ST6GALNAC3: variants seen among roughly 807,000 people sequenced by gnomAD.
ST6GALNAC3 encodes alpha-N-acetylgalactosaminide alpha-2,6-sialyltransferase 3.
Under a neutral mutation model 32.7 loss-of-function variants are expected in ST6GALNAC3, and 25 were observed. That is an observed-to-expected ratio of 0.76 (90% confidence interval 0.56 to 1.07). The LOEUF (loss-of-function observed/expected upper bound fraction) is 1.07, where lower values mean the gene tolerates loss of function less well. ST6GALNAC3 is among the 50% of genes least tolerant of loss of function. The probability of loss-of-function intolerance (pLI) is 0.00; values close to 1 mark genes in which losing one functional copy is unlikely to be tolerated. For synonymous variants in ST6GALNAC3, 129 were observed against 133.1 expected (o/e 0.97, Z 0.21); for missense variants, 355 against 382.4 (o/e 0.93, Z 0.60).
At chr1:76,447,251 C>T (rs552708039) in intron 3 of ST6GALNAC3, among the ~76,000 whole-genome samples, 16 of 152,210 alleles carry the variant, frequency 1.1e-4, no homozygotes, top group Non-Finnish European at 2.4e-4. Flanking sequence ...TTGCCCCTGT[C>T]CTAGAAATTT....
downstream of ST6GALNAC3, among the ~76,000 whole-genome samples, chr1:76,635,788 TAAAAGGGA>T (rs1649489823): frequency 6.6e-6 from 1 of 152,082 alleles, no homozygotes; most frequent in Non-Finnish European, 1.5e-5. Flanking sequence ...TTCGGCCTGC[TAAAAGGGA>T]AAGAGCAAAA....
chr1:76,325,620 C>T lies in ST6GALNAC3; in HGVS notation c.213+11621C>T, dbSNP rs567932555. 1.7e-3 allele frequency among the ~76,000 whole-genome samples: 254 copies of T among 150,698 alleles called. 1 individual carries two copies. Among genetic ancestry groups the T allele is most frequent in the African/African-American group, 6.0e-3 (246 of 41,202 alleles). Reference sequence around the variant, plus strand: ...AGAAAGTTAGCTATCTTTCAGGTATCTTTCCCAGAGCTCACAGGACAATAT... The same window carrying T: ...AGAAAGTTAGCTATCTTTCAGGTATTTTTCCCAGAGCTCACAGGACAATAT... On this transcript the variant is annotated intron_variant, in intron 2 of 4. Coordinates refer to ENST00000328299, the MANE Select transcript of ST6GALNAC3 (RefSeq NM_152996.4).
intron 2 of ST6GALNAC3, among the ~76,000 whole-genome samples, chr1:76,328,048 G>A (rs1647112454): frequency 6.6e-6 from 1 of 152,102 alleles, no homozygotes. Context: ...CCATATAAAA[G>A]AAGAGGCAGT....
intron 3 of ST6GALNAC3, among the ~76,000 whole-genome samples, chr1:76,538,700 C>G (rs1663788919): frequency 1.3e-5 from 2 of 152,146 alleles, no homozygotes; most frequent in Non-Finnish European, 2.9e-5. Flanking sequence ...GTGCAAAAAT[C>G]ACATGCATTC....
At position 76,454,066 on chromosome 1, in the gene ST6GALNAC3, A is replaced by C. The variant is rs150675317; in HGVS notation, c.623+41649A>C. ...TGTATTTTTTAACTGCTGTTGCTTT[A>C]ATGTTTGTTTTGTCTGATGTAAGAG... On this transcript the variant is annotated intron_variant, in intron 3 of 4. Coordinates refer to ENST00000328299, the MANE Select transcript of ST6GALNAC3 (RefSeq NM_152996.4). 1.5e-3 allele frequency among the ~76,000 whole-genome samples: 226 copies of C among 152,040 alleles called. 1 individual carries two copies. The highest frequency in any genetic ancestry group is 5.1e-3 in the African/African-American group (210 of 41,498).
rs538064891 is a variant in ST6GALNAC3 at position 76,414,563 on chromosome 1, G to A, written c.623+2146G>A. Among the ~76,000 whole-genome samples the A allele has an allele frequency of 6.6e-5, 10 of 152,082 alleles. No homozygotes were observed. The South Asian group carries it at 2.1e-3, about 32-fold the overall frequency. ...ATATTCATTGTCAAATTTCAAACTAGAATATATTTTTCAACTTTTCATGAA... is the reference window on the plus strand; with the variant it reads ...ATATTCATTGTCAAATTTCAAACTAAAATATATTTTTCAACTTTTCATGAA... On this transcript the variant is annotated intron_variant, in intron 3 of 4. Coordinates refer to ENST00000328299, the MANE Select transcript of ST6GALNAC3 (RefSeq NM_152996.4).
intron 3 of ST6GALNAC3, among the ~76,000 whole-genome samples, chr1:76,470,411 A>G (rs989142102): frequency 8.6e-5 from 13 of 151,952 alleles, no homozygotes; most frequent in African/African-American, 3.1e-4. Context: ...ACTGGGATCT[A>G]CTCCCACTGC....
chr1:76,540,274 C>G (rs1232213421), intron 3 of ST6GALNAC3, among the ~76,000 whole-genome samples: 5 of 152,094 alleles, frequency 3.3e-5, no homozygotes, highest in Non-Finnish European at 4.4e-5. Flanking sequence ...CCAAACACCA[C>G]ACGTTCTCAC....
At chr1:76,212,404 C>T (rs1465426030) in intron 1 of ST6GALNAC3, among the ~76,000 whole-genome samples, 1 of 152,142 alleles carries the variant, frequency 6.6e-6, no homozygotes, top group Non-Finnish European at 1.5e-5. Context: ...GGCCCCCAGC[C>T]TGTGCTTGTA....
At chr1:76,456,114 G>A (rs1165952726) in intron 3 of ST6GALNAC3, among the ~76,000 whole-genome samples, 1 of 152,192 alleles carries the variant, frequency 6.6e-6, no homozygotes, top group African/African-American at 2.4e-5. Context: ...TGTGGTTGCA[G>A]TGAGTCAAGA....
chr1:76,282,061 A>C (rs1659526788), intron 1 of ST6GALNAC3, among the ~76,000 whole-genome samples: 1 of 152,144 alleles, frequency 6.6e-6, no homozygotes, highest in African/African-American at 2.4e-5. Context: ...AAGTCATCTA[A>C]AATGATTAGA....
Position 76,633,114 on chromosome 1 carries a change from AACAG to A in ST6GALNAC3, c.*4314_*4317del, listed in dbSNP as rs1649380068. 6.6e-6 allele frequency: 1 copy of A among 152,154 alleles called. No individual in the cohort carries two copies. Among genetic ancestry groups the A allele is most frequent in the African/African-American group, 2.4e-5 (1 of 41,446 alleles). 9.4% of individuals were successfully genotyped at this position (152,154 alleles called of 1,614,324 possible). ...AACTCCTACACCTTGGAGCTGAGGA[AACAG>A]ACAGAGGTGAAGTGACTTGCCTGTA... is the stretch of plus-strand genomic sequence containing the variant. On this transcript the variant is annotated 3_prime_UTR_variant, in exon 5 of 5. Coordinates refer to ENST00000328299, the MANE Select transcript of ST6GALNAC3 (RefSeq NM_152996.4).
intron 1 of ST6GALNAC3, among the ~76,000 whole-genome samples, chr1:76,129,453 C>G (rs1649469890): frequency 6.6e-6 from 1 of 152,150 alleles, no homozygotes; most frequent in Admixed American, 6.5e-5. Context: ...AGTGCCGTTT[C>G]CCTTTGTCTG....
chr1:76,634,236 A>C lies in ST6GALNAC3; in HGVS notation c.*5430A>C. 2.3e-6 allele frequency: 2 copies of C among 882,154 alleles called. No individual in the cohort carries two copies. Among genetic ancestry groups the C allele is most frequent in the Non-Finnish European group, 2.7e-6 (2 of 735,752 alleles). 54.6% of individuals were successfully genotyped at this position (882,154 alleles called of 1,614,324 possible). On this transcript the variant is annotated 3_prime_UTR_variant, in exon 5 of 5. Transcript: ENST00000328299. ...GAATAAACAGTCAACTACCAAGTTC[A>C]CATATTTGCCTATGAAGTGAGAGCT...
At chr1:76,627,228 T>C (rs1283049692) in intron 3 of ST6GALNAC3, among the ~76,000 whole-genome samples, 2 of 152,002 alleles carry the variant, frequency 1.3e-5, no homozygotes, top group Non-Finnish European at 2.9e-5. Flanking sequence ...AACATAGCTT[T>C]GAGGCTTAAG....
At chr1:76,437,400 C>A (rs1271533052) in intron 3 of ST6GALNAC3, among the ~76,000 whole-genome samples, 1 of 151,992 alleles carries the variant, frequency 6.6e-6, no homozygotes, top group African/African-American at 2.4e-5. Context: ...CAGCCCTGTT[C>A]AGTAAGATTT....
chr1:76,159,556 C>T (rs1651684343), intron 1 of ST6GALNAC3, among the ~76,000 whole-genome samples: 2 of 152,200 alleles, frequency 1.3e-5, no homozygotes, highest in African/African-American at 4.8e-5. Context: ...CTTCTGGCTT[C>T]ACCACTCTCT....
intron 2 of ST6GALNAC3, among the ~76,000 whole-genome samples, chr1:76,411,066 A>G (rs1388931108): frequency 1.3e-5 from 2 of 152,172 alleles, no homozygotes; most frequent in Admixed American, 1.3e-4. Context: ...ATGTATATCA[A>G]AAAAGCACAT....
intron 3 of ST6GALNAC3, among the ~76,000 whole-genome samples, chr1:76,511,162 T>C (rs1208579420): frequency 6.6e-6 from 1 of 152,120 alleles, no homozygotes; most frequent in Admixed American, 6.5e-5. Flanking sequence ...TCTACTCTTA[T>C]CCTACACCAA....
Sources: allele counts gnomAD v4.1 joint callset (sites outside exome capture counted in the v4.1 genomes callset), GRCh38; gene constraint gnomAD v4.1.1; transcripts MANE v1.5; gene names NCBI Gene and HGNC (gene_info 2026-07-23, HGNC 2026-07-21).